The following LARP7 variants were observed in gnomAD, a reference collection of about 807,000 sequenced individuals.
The protein encoded by LARP7 is la-related protein 7.
Under a neutral mutation model 69.3 loss-of-function variants are expected in LARP7, and 52 were observed. That is an observed-to-expected ratio of 0.75 (90% confidence interval 0.60 to 0.95). LARP7 has a LOEUF of 0.95. LARP7 is among the 40% of genes least tolerant of loss of function. The pLI is 0.00. For synonymous variants in LARP7, 254 were observed against 215.9 expected, an observed-to-expected ratio of 1.18 and a Z score of -1.55; for missense variants, 733 against 673.0, an observed-to-expected ratio of 1.09 and a Z score of -0.99.
intron 2 of LARP7, chr4:112,645,681 GCTT>G (rs911055588): frequency 2.0e-5 from 9 of 445,276 alleles, no homozygotes; most frequent in African/African-American, 1.6e-4. Flanking sequence ...CACCAGGCCG[GCTT>G]TTTTTTCTGG....
At chr4:112,654,023 A>G (rs754957867) in intron 11 of LARP7, 45 bp from the exon 12 acceptor site, 1 of 1,375,332 alleles carries the variant, frequency 7.3e-7, no homozygotes. Context: ...GGTTTTTCAG[A>G]TATGTTCTTC....
At chr4:112,645,484 A>G (rs73841092) in intron 2 of LARP7, 396 of 456,124 alleles carry the variant, frequency 8.7e-4, no homozygotes, top group African/African-American at 7.3e-3. Flanking sequence ...ACAAGAAGGC[A>G]TTTCACCTAG....
intron 1 of LARP7, among the ~76,000 whole-genome samples, chr4:112,638,389 T>C (rs773316951): frequency 1.3e-4 from 20 of 152,232 alleles, no homozygotes; most frequent in Non-Finnish European, 2.9e-4. Flanking sequence ...CTTGTCTGAC[T>C]CACTCTTCCA....
intron 10 of LARP7, among the ~76,000 whole-genome samples, chr4:112,651,469 A>C (rs1200402623): frequency 6.6e-6 from 1 of 152,154 alleles, no homozygotes; most frequent in Non-Finnish European, 1.5e-5. Context: ...AGACAGCTGA[A>C]AATTGAGGGA....
intron 5 of LARP7, 24 bp from the exon 6 acceptor site, chr4:112,647,010 T>C (rs2048314504): frequency 6.3e-7 from 1 of 1,584,242 alleles, no homozygotes; most frequent in Non-Finnish European, 8.5e-7. Context: ...AGTATTAAAA[T>C]AGTAACTTTT....
chr4:112,640,724 A>T (rs1267223175), intron 1 of LARP7, among the ~76,000 whole-genome samples: 2 of 152,218 alleles, frequency 1.3e-5, no homozygotes, highest in African/African-American at 4.8e-5. Context: ...AAATAAAGTT[A>T]TAATTCCAGG....
chr4:112,638,251 G>A (rs1306485960), intron 1 of LARP7, among the ~76,000 whole-genome samples: 1 of 151,542 alleles, frequency 6.6e-6, no homozygotes, highest in East Asian at 1.9e-4. Flanking sequence ...AGCCGGGATC[G>A]CGCCACTGCA....
intron 1 of LARP7, among the ~76,000 whole-genome samples, chr4:112,638,727 A>G (rs998673474): frequency 6.6e-6 from 1 of 152,232 alleles, no homozygotes; most frequent in Admixed American, 6.5e-5. Flanking sequence ...TAGAATAACT[A>G]CATACTCAAT....
chr4:112,653,468 C>G (rs553916861), intron 11 of LARP7, among the ~76,000 whole-genome samples: 14 of 152,090 alleles, frequency 9.2e-5, no homozygotes, highest in South Asian at 6.2e-4. Context: ...TGTTACCACG[C>G]CCGGCTAATT....
chr4:112,646,505 T>A, intron 3 of LARP7, 54 bp downstream of exon 3: 2 of 1,284,740 alleles, frequency 1.6e-6, no homozygotes, highest in Non-Finnish European at 2.2e-6. Flanking sequence ...TTATAAAGAA[T>A]GTTAACGTAA....
intron 9 of LARP7, chr4:112,650,093 T>TA (rs1416602993): frequency 1.7e-5 from 3 of 181,204 alleles, no homozygotes; most frequent in Admixed American, 5.7e-5. Context: ...TCATTTCTTG[T>TA]AAAAATAAAT....
Position 112,657,322 on chromosome 4 carries a change from G to C in LARP7, c.1744G>C (p.Asp582His). The C allele has an allele frequency of 6.5e-7, 1 of 1,547,810 alleles. No individual in the cohort carries two copies. The highest frequency in any genetic ancestry group is 2.3e-5 in the East Asian group (1 of 43,844). ...TAAACATATAAGATTTTCTGAATAT[G>C]ATTGAAAAAAAAAACAGTTCACCTC... ...ASKHIRFSEY[D>H] The change falls in exon 13 of 13, where the codon GAT (aspartate) becomes CAT (histidine). Residue 582 changes from aspartate (D) to histidine (H), a missense_variant. By Grantham distance (81) the Asp-to-His change is moderately conservative (BLOSUM62 -1). Transcript: ENST00000344442.
rs79383654 is a variant in LARP7 at position 112,644,679 on chromosome 4, G to A, written c.10G>A (p.Glu4Lys). 0.046 allele frequency: 73,112 copies of A among 1,600,186 alleles called. 2,529 individuals carry two copies. The highest frequency in any genetic ancestry group is 0.18 in the East Asian group (8,058 of 44,502). The change falls in exon 2 of 13, where the codon GAA (glutamate) becomes AAA (lysine). Residue 4 changes from glutamate (E) to lysine (K), a missense_variant. Glu to Lys is a moderately conservative substitution (Grantham distance 56). Coordinates refer to ENST00000344442, the MANE Select transcript of LARP7 (RefSeq NM_016648.4). MET[E>K]SGNQEKVMEE... ...CTTGTAATTCACAGGAATGGAAACT[G>A]AAAGTGGAAATCAGGAAAAGGTAAT...
rs1554010558 is a variant in LARP7 at position 112,644,955 on chromosome 4, T to TTTTTTTC, written c.202+90_202+91insCTTTTTT. ...ATAAAATAATATATTCTTTTTTTTT[T>TTTTTTTC]TTTTTTTTTGAGTTGGAGTCTTGCT... On this transcript the variant is annotated intron_variant, in intron 2 of 12. Transcript: ENST00000344442. The TTTTTTTC allele has an allele frequency of 7.0e-5, 36 of 513,422 alleles. 1 individual carries two copies. In the African/African-American group the frequency reaches 7.6e-4, roughly 11 times the overall value. 31.8% of individuals were successfully genotyped at this position (513,422 alleles called of 1,614,324 possible). A position where few individuals can be genotyped will look rare whatever the true frequency, so the allele number is the denominator to read the frequency against.
At chr4:112,657,176 G>GTA in intron 12 of LARP7, 71 bp from the exon 13 acceptor site, 1 of 640,672 alleles carries the variant, frequency 1.6e-6, no homozygotes, top group Non-Finnish European at 2.5e-6. Flanking sequence ...AGTTTTGTGT[G>GTA]TGTGTGTGTG....
At position 112,646,887 on chromosome 4, in the gene LARP7, A is replaced by G. The variant is rs372844097; in HGVS notation, c.484A>G (p.Thr162Ala). 2.5e-6 allele frequency: 4 copies of G among 1,609,630 alleles called. No homozygotes were observed. The highest frequency in any genetic ancestry group is 2.2e-5 in the South Asian group (2 of 89,670). ...TATAAGTATACCACATTATAAGTCT[A>G]CTGGAGATCCAAAGGGATTTGCGTT... ...VYISIPHYKSTGDPKGFAFVE... is the reference protein window; with the variant it reads ...VYISIPHYKSAGDPKGFAFVE... Residue 162 changes from threonine (T) to alanine (A), a missense_variant, in exon 5 of 13, where the codon ACT becomes GCT. Physicochemically the swap from Thr to Ala is moderately conservative, Grantham distance 58. Coordinates refer to ENST00000344442, the MANE Select transcript of LARP7 (RefSeq NM_016648.4).
intron 1 of LARP7, among the ~76,000 whole-genome samples, chr4:112,638,253 G>A (rs112594590): frequency 6.6e-6 from 1 of 152,120 alleles, no homozygotes; most frequent in African/African-American, 2.4e-5. Flanking sequence ...CCGGGATCGC[G>A]CCACTGCACT....
chr4:112,653,882 T>TA (rs1266231964), intron 11 of LARP7, among the ~76,000 whole-genome samples, 186 bp from the exon 12 acceptor site: 1 of 152,224 alleles, frequency 6.6e-6, no homozygotes, highest in Non-Finnish European at 1.5e-5. Context: ...GTGCTGGGAT[T>TA]AGAGGTTTGA....
Position 112,657,489 on chromosome 4 carries a change from T to C in LARP7, c.*162T>C, listed in dbSNP as rs2049001511. On this transcript the variant is annotated 3_prime_UTR_variant, in exon 13 of 13. Transcript: ENST00000344442. ...TAAGACTTTTTTCTAGAGACAAATA[T>C]GATGTATACCACAATTTTTCTTAAA... The C allele has an allele frequency of 2.6e-6, 1 of 386,922 alleles. No homozygotes were observed. The highest frequency in any genetic ancestry group is 4.7e-6 in the Non-Finnish European group (1 of 211,830). The allele number at this position is 386,922 out of a possible 1,614,324, so 24.0% of individuals were successfully genotyped here. A position where few individuals can be genotyped will look rare whatever the true frequency, so the allele number is the denominator to read the frequency against.
Sources: allele counts gnomAD v4.1 joint callset (sites outside exome capture counted in the v4.1 genomes callset), GRCh38; gene constraint gnomAD v4.1.1; transcripts MANE v1.5; gene names NCBI Gene and HGNC (gene_info 2026-07-23, HGNC 2026-07-21).